The following GLIS3 variants were observed in gnomAD, a reference collection of about 807,000 sequenced individuals.
GLIS3 encodes the protein GLIS family zinc finger 3.
A neutral mutation model predicts 78.6 loss-of-function variants in GLIS3; 53 were observed. The ratio of observed to expected loss-of-function variants is 0.67; its 90% CI spans 0.54 to 0.85. The LOEUF is 0.85. GLIS3 is among the 40% of genes least tolerant of loss of function. The pLI is 0.00. For missense variants in GLIS3, 1,703 were observed against 1,231.1 expected, an observed-to-expected ratio of 1.38 and a Z score of -5.74; for synonymous variants, 684 against 509.9, an observed-to-expected ratio of 1.34 and a Z score of -4.60.
At chr9:4,092,697 T>A (rs1829624364) in intron 4 of GLIS3, among the ~76,000 whole-genome samples, 1 of 152,146 alleles carries the variant, frequency 6.6e-6, no homozygotes, top group African/African-American at 2.4e-5. Context: ...AGCTGTCATC[T>A]CCCATAATAA....
In GLIS3 at chr9:4,117,974, A is replaced by C. The variant is rs1831811806; in HGVS notation, c.1504T>G (p.Cys502Gly). The stretch of plus-strand genomic sequence containing the variant: ...AGGGCGCTGCAGTCGATCCAGCGGC[A>C]GCAATGCTTGCCCCCGATGCCGTCC... ...EMDGIGGKHCCRWIDCSALYD... is the reference protein window; with the variant it reads ...EMDGIGGKHCGRWIDCSALYD... Residue 502 changes from cysteine to glycine, a missense_variant, in exon 4 of 11, where the codon TGC (cysteine) becomes GGC (glycine). Physicochemically the swap from Cys to Gly is radical, Grantham distance 159. Coordinates refer to ENST00000381971, the MANE Select transcript of GLIS3 (RefSeq NM_001042413.2). 6.2e-7 allele frequency: 1 copy of C among 1,613,382 alleles called. No homozygotes were observed. The highest frequency in any genetic ancestry group is 1.3e-5 in the African/African-American group (1 of 74,932).
chr9:3,933,635 G>A (rs1445471446), intron 5 of GLIS3, among the ~76,000 whole-genome samples: 3 of 152,186 alleles, frequency 2.0e-5, no homozygotes, highest in South Asian at 4.1e-4. Context: ...GATGTGAAAT[G>A]TAAGGAAGAG....
intron 2 of GLIS3, among the ~76,000 whole-genome samples, chr9:4,336,458 G>C (rs1480828726): frequency 2.0e-5 from 3 of 152,174 alleles, no homozygotes; most frequent in African/African-American, 7.2e-5. Flanking sequence ...CATTGCTACA[G>C]TTTCTGGTGC....
At chr9:3,850,034 A>G (rs913922738) in intron 9 of GLIS3, among the ~76,000 whole-genome samples, 1 of 152,244 alleles carries the variant, frequency 6.6e-6, no homozygotes, top group African/African-American at 2.4e-5. Flanking sequence ...GTGTATTAAA[A>G]ATAAGGTCTT....
intron 2 of GLIS3, among the ~76,000 whole-genome samples, chr9:4,185,305 G>C (rs752848080): frequency 6.6e-6 from 1 of 152,152 alleles, no homozygotes; most frequent in East Asian, 1.9e-4. Context: ...TTTTATTGCT[G>C]AATAGTATTC....
At chr9:3,895,721 C>T (rs1479592993) in intron 7 of GLIS3, among the ~76,000 whole-genome samples, 1 of 152,182 alleles carries the variant, frequency 6.6e-6, no homozygotes, top group Non-Finnish European at 1.5e-5. Context: ...TCATGCTGTG[C>T]AAAGTATCCT....
chr9:4,310,249 A>C (rs1817328242), intron 3 of GLIS3, among the ~76,000 whole-genome samples: 1 of 152,230 alleles, frequency 6.6e-6, no homozygotes, highest in Non-Finnish European at 1.5e-5. Flanking sequence ...TGACATGCTC[A>C]TGTGGCCCAG....
At chr9:3,889,275 T>C (rs566913028) in intron 7 of GLIS3, among the ~76,000 whole-genome samples, 1 of 152,212 alleles carries the variant, frequency 6.6e-6, no homozygotes, top group Non-Finnish European at 1.5e-5. Context: ...TGCAGGTGTC[T>C]TCTTGCAATT....
the GLIS3 span, among the ~76,000 whole-genome samples, chr9:4,369,162 G>T: frequency 2.6e-5 from 4 of 151,830 alleles, no homozygotes; most frequent in Non-Finnish European, 5.9e-5. Flanking sequence ...TAGTATCTCC[G>T]CCAGACCTTG....
chr9:3,935,682 T>C (rs186562925), intron 5 of GLIS3, among the ~76,000 whole-genome samples: 100 of 152,336 alleles, frequency 6.6e-4, no homozygotes, highest in Non-Finnish European at 1.3e-3. Flanking sequence ...ACCAAGACCA[T>C]TTTAGGCACA....
At chr9:4,312,865 C>A (rs1034842552) in intron 2 of GLIS3, among the ~76,000 whole-genome samples, 3 of 152,194 alleles carry the variant, frequency 2.0e-5, no homozygotes, top group African/African-American at 7.2e-5. Context: ...GGTGCTTACT[C>A]AGGCCAGGCA....
intron 8 of GLIS3, chr9:3,878,477 A>G (rs1471928796): frequency 6.6e-6 from 1 of 152,224 alleles, no homozygotes; most frequent in Non-Finnish European, 1.5e-5. Flanking sequence ...AATTAAAACC[A>G]CATATTACCA....
chr9:3,958,696 G>C lies in GLIS3; in HGVS notation c.1711-21507C>G, dbSNP rs544044226. Among the ~76,000 whole-genome samples, 7 of 152,340 alleles carry C rather than the reference G, an allele frequency of 4.6e-5. No homozygotes were observed. The East Asian group carries it at 1.2e-3, about 25-fold the overall frequency. On this transcript the variant is annotated intron_variant, in intron 4 of 10. Transcript: ENST00000381971. ...AACTCGCCCAGTATTTGGCCAGATG[G>C]CCATGTAAACAAACAAATGCAATAG...
At chr9:4,086,780 C>T (rs1338240537) in intron 4 of GLIS3, among the ~76,000 whole-genome samples, 1 of 152,208 alleles carries the variant, frequency 6.6e-6, no homozygotes, top group Non-Finnish European at 1.5e-5. Flanking sequence ...AACAACTTCA[C>T]TAACTAGAGA....
rs1204935302 is a variant in GLIS3, at chr9:4,136,348, C to T, written c.389-10407G>A. 2.6e-5 allele frequency among the ~76,000 whole-genome samples: 4 copies of T among 152,174 alleles called. No homozygotes were observed. The East Asian group carries it at 7.7e-4, about 29-fold the overall frequency. On this transcript the variant is annotated intron_variant, in intron 2 of 10. Transcript: ENST00000381971. ...AAAGAAGAAGAGTATGAACTACAAA[C>T]ACGTTTCCCAAAGTCCTTCAGGATG...
At chr9:4,352,586 G>C (rs557148719), upstream of GLIS3, among the ~76,000 whole-genome samples, 2 of 152,238 alleles carry the variant, frequency 1.3e-5, no homozygotes, top group African/African-American at 4.8e-5. Context: ...CTTGGGTTAG[G>C]CTACTTCTGT....
chr9:4,134,982 ACT>A (rs1833291998), intron 2 of GLIS3, among the ~76,000 whole-genome samples: 1 of 152,082 alleles, frequency 6.6e-6, no homozygotes, highest in Non-Finnish European at 1.5e-5. Context: ...GGTCCACTGG[ACT>A]CTCACACAAA....
chr9:4,104,744 C>T (rs1043368892), intron 4 of GLIS3, among the ~76,000 whole-genome samples: 1 of 152,174 alleles, frequency 6.6e-6, no homozygotes, highest in African/African-American at 2.4e-5. Flanking sequence ...GGCCTTTGCA[C>T]TTGCTATTCT....
chr9:3,866,881 A>T (rs1169347151), intron 8 of GLIS3, among the ~76,000 whole-genome samples: 2 of 152,008 alleles, frequency 1.3e-5, no homozygotes, highest in East Asian at 3.9e-4. Context: ...ATGAGGGTAG[A>T]TGATCACAGG....
Sources: allele counts gnomAD v4.1 joint callset (sites outside exome capture counted in the v4.1 genomes callset), GRCh38; gene constraint gnomAD v4.1.1; transcripts MANE v1.5; gene names NCBI Gene and HGNC (gene_info 2026-07-23, HGNC 2026-07-21).